The following CAST variants were observed in gnomAD, a reference collection of about 807,000 sequenced individuals.
CAST encodes the protein calpastatin, also known as MIR583 host.
CAST carries 76 observed loss-of-function variants against 119.6 expected under a neutral mutation model. That is an observed-to-expected ratio of 0.64 (90% CI 0.53 to 0.77). The LOEUF (loss-of-function observed/expected upper bound fraction) is 0.77, where lower values mean the gene tolerates loss of function less well. Among genes scored for constraint, CAST ranks in the 30% least tolerant of loss-of-function variants. The probability of loss-of-function intolerance (pLI) is 0.00; values close to 1 mark genes in which losing one functional copy is unlikely to be tolerated. For missense variants in CAST, 953 were observed against 946.5 expected, an observed-to-expected ratio of 1.01 and a Z score of -0.09; for synonymous variants, 319 against 331.6, an observed-to-expected ratio of 0.96 and a Z score of 0.41.
At chr5:96,401,082 G>A in the CAST span, among the ~76,000 whole-genome samples, 2 of 60,154 alleles carry the variant, frequency 3.3e-5, no homozygotes, top group African/African-American at 1.7e-4. Context: ...GCGGGACTCC[G>A]TCTCAAAAAA....
the CAST span, among the ~76,000 whole-genome samples, chr5:96,371,776 G>A: frequency 2.6e-5 from 4 of 152,206 alleles, no homozygotes; most frequent in East Asian, 7.7e-4. Flanking sequence ...GTCTTTAAAA[G>A]CACTCCAGAT....
chr5:96,464,057 A>G, the CAST span, among the ~76,000 whole-genome samples: 7 of 152,026 alleles, frequency 4.6e-5, no homozygotes, highest in Non-Finnish European at 1.0e-4. Flanking sequence ...GGCTACCAAA[A>G]TACTATGAGA....
At chr5:96,559,445 A>G (rs1430206811) in intron 1 of CAST, among the ~76,000 whole-genome samples, 2 of 152,224 alleles carry the variant, frequency 1.3e-5, no homozygotes, top group African/African-American at 2.4e-5. Context: ...ACATGATTGT[A>G]TATCTAGAAA....
chr5:96,416,926 C>T, the CAST span, among the ~76,000 whole-genome samples: 7 of 152,308 alleles, frequency 4.6e-5, no homozygotes, highest in African/African-American at 1.7e-4. Context: ...TTTCCCACCA[C>T]CATCCTGACT....
the CAST span, among the ~76,000 whole-genome samples, chr5:96,369,220 G>A: frequency 6.6e-6 from 1 of 150,852 alleles, no homozygotes; most frequent in Admixed American, 6.6e-5. Flanking sequence ...AGTTCTTGAT[G>A]GATTATTACA....
the CAST span, among the ~76,000 whole-genome samples, chr5:96,188,944 C>A: frequency 6.6e-6 from 1 of 152,014 alleles, no homozygotes; most frequent in Admixed American, 6.5e-5. Flanking sequence ...TGTTTTTGTA[C>A]ACTAAATTTT....
At chr5:96,649,493 C>T (rs182796573) in intron 1 of CAST, among the ~76,000 whole-genome samples, 61 of 152,326 alleles carry the variant, frequency 4.0e-4, no homozygotes, top group Admixed American at 9.1e-4. Flanking sequence ...TTGAAGTCAA[C>T]GGGCCTGATT....
intron 1 of CAST, among the ~76,000 whole-genome samples, chr5:96,589,237 G>A (rs1561424140): frequency 6.6e-6 from 1 of 152,148 alleles, no homozygotes; most frequent in African/African-American, 2.4e-5. Context: ...AGAGTAAATT[G>A]TCAAATGTTC....
chr5:96,653,163 G>T (rs1748115825), intron 1 of CAST, among the ~76,000 whole-genome samples: 2 of 152,238 alleles, frequency 1.3e-5, no homozygotes, highest in Admixed American at 1.3e-4. Context: ...TATATCCTCA[G>T]GGTGGGATCA....
the CAST span, among the ~76,000 whole-genome samples, chr5:96,210,952 A>C: frequency 6.6e-6 from 1 of 151,748 alleles, no homozygotes; most frequent in East Asian, 1.9e-4. Flanking sequence ...TGTATTTTTA[A>C]TTTTGGTGTT....
the CAST span, among the ~76,000 whole-genome samples, chr5:96,009,413 A>G: frequency 2.0e-5 from 3 of 152,310 alleles, no homozygotes; most frequent in Non-Finnish European, 2.9e-5. Context: ...ACTAATTTAC[A>G]TTCCCACCAA....
intron 16 of CAST, chr5:96,743,615 C>T (rs1350368906): frequency 9.3e-6 from 15 of 1,611,220 alleles, no homozygotes; most frequent in Admixed American, 1.7e-5. Context: ...TCTGGGACTG[C>T]CCTGGCCTAA....
intron 1 of CAST, among the ~76,000 whole-genome samples, chr5:96,558,580 C>G (rs1457142089): frequency 2.0e-5 from 3 of 152,156 alleles, no homozygotes; most frequent in Admixed American, 2.0e-4. Flanking sequence ...CTATAAACAC[C>G]TCTACACAAA....
intron 1 of CAST, among the ~76,000 whole-genome samples, chr5:96,544,602 C>A: frequency 1.1e-5 from 1 of 92,276 alleles, no homozygotes; most frequent in African/African-American, 3.6e-5. Flanking sequence ...TTAAGGAAAC[C>A]ATTAAAACAA....
At chr5:96,560,496 A>C (rs1746335025) in intron 1 of CAST, among the ~76,000 whole-genome samples, 1 of 152,246 alleles carries the variant, frequency 6.6e-6, no homozygotes. Flanking sequence ...CAATGAACTC[A>C]AACAAATTTA....
At chr5:96,505,148 A>G in the CAST span, among the ~76,000 whole-genome samples, 1 of 152,236 alleles carries the variant, frequency 6.6e-6, no homozygotes, top group Non-Finnish European at 1.5e-5. Context: ...TCAAATGGTT[A>G]GCATGTGCTT....
chr5:96,468,382 T>C, the CAST span, among the ~76,000 whole-genome samples: 2 of 152,030 alleles, frequency 1.3e-5, no homozygotes, highest in Admixed American at 6.6e-5. Flanking sequence ...GCTACGGAAA[T>C]TTTTTAAAAG....
the CAST span, among the ~76,000 whole-genome samples, chr5:96,091,142 G>A: frequency 6.6e-6 from 1 of 151,984 alleles, no homozygotes; most frequent in African/African-American, 2.4e-5. Flanking sequence ...GACAGGCCTG[G>A]ATTTGAAAGC....
At chr5:96,451,353 A>C in the CAST span, among the ~76,000 whole-genome samples, 3 of 152,134 alleles carry the variant, frequency 2.0e-5, no homozygotes, top group African/African-American at 7.2e-5. Flanking sequence ...TTTCAGAAAA[A>C]ATCCTGTCAC....
Sources: gnomAD v4.1 joint callset for allele counts (sites outside exome capture counted in the v4.1 genomes callset) on GRCh38, gnomAD v4.1.1 for gene constraint, MANE v1.5 for transcripts, NCBI Gene and HGNC (gene_info 2026-07-23, HGNC 2026-07-21) for gene names.